CCL28: variants seen among roughly 807,000 people sequenced by gnomAD.
The protein encoded by CCL28 is C-C motif chemokine 28.
A neutral mutation model predicts 7.1 loss-of-function variants in CCL28; 4 were observed. The observed-to-expected ratio is 0.56, with a 90% confidence interval of 0.28 to 1.29. The LOEUF (loss-of-function observed/expected upper bound fraction) is 1.29. Among genes scored for constraint, CCL28 ranks in the 50% most tolerant of loss-of-function variants. CCL28 has a pLI of 0.11. For missense variants in CCL28, 151 were observed against 163.4 expected (o/e 0.92, Z 0.41); for synonymous variants, 55 against 57.8 (o/e 0.95, Z 0.22).
intron 1 of CCL28, among the ~76,000 whole-genome samples, chr5:43,410,990 T>C (rs1741515735): frequency 6.6e-6 from 1 of 152,204 alleles, no homozygotes; most frequent in Non-Finnish European, 1.5e-5. Context: ...ACGGACTATA[T>C]TGGGAGTCCC....
chr5:43,364,181 T>C, the CCL28 span, among the ~76,000 whole-genome samples: 1 of 149,242 alleles, frequency 6.7e-6, no homozygotes, highest in Non-Finnish European at 1.5e-5. Flanking sequence ...CAAAGCAGAC[T>C]ACAAACCTTA....
downstream of CCL28, among the ~76,000 whole-genome samples, chr5:43,376,373 A>T (rs1739888087): frequency 6.6e-6 from 1 of 152,200 alleles, no homozygotes; most frequent in African/African-American, 2.4e-5. Context: ...GAGGCCAGAG[A>T]TACTACTAAC....
chr5:43,369,613 G>A, the CCL28 span, among the ~76,000 whole-genome samples: 6 of 152,020 alleles, frequency 3.9e-5, no homozygotes, highest in Non-Finnish European at 7.4e-5. Flanking sequence ...TTCAGTAGAC[G>A]GGGTTTCACC....
chr5:43,387,171 G>T (rs1489749251), intron 2 of CCL28, among the ~76,000 whole-genome samples: 1 of 152,192 alleles, frequency 6.6e-6, no homozygotes, highest in Non-Finnish European at 1.5e-5. Flanking sequence ...TTTGGAGAGG[G>T]TATTTTATGG....
chr5:43,403,787 A>G (rs1233970399), intron 1 of CCL28, among the ~76,000 whole-genome samples: 1 of 152,224 alleles, frequency 6.6e-6, no homozygotes, highest in African/African-American at 2.4e-5. Context: ...ATGGCTAACT[A>G]TAATAACCAA....
chr5:43,408,106 G>A (rs1296692522), intron 1 of CCL28, among the ~76,000 whole-genome samples: 1 of 152,206 alleles, frequency 6.6e-6, no homozygotes, highest in Non-Finnish European at 1.5e-5. Flanking sequence ...TCTAGAACTA[G>A]AAATACTATT....
Position 43,382,179 on chromosome 5 carries a change from T to C in CCL28, c.192-127A>G, listed in dbSNP as rs1579721610. ...AGAGACTAAATTCAGACTAAATTTC[T>C]GAATTAAGTGTAGAAATGAAGTGAA... On this transcript the variant is annotated intron_variant, in intron 2 of 2. Coordinates refer to ENST00000361115, the MANE Select transcript of CCL28 (RefSeq NM_148672.3). 11 of 804,536 alleles carry C rather than the reference T, an allele frequency of 1.4e-5. No homozygotes were observed. The East Asian group carries it at 2.5e-4, about 18-fold the overall frequency. The allele number at this position is 804,536 out of a possible 1,614,324, so 49.8% of individuals were successfully genotyped here. A position where few individuals can be genotyped will look rare whatever the true frequency, so the allele number is the denominator to read the frequency against.
the CCL28 span, among the ~76,000 whole-genome samples, chr5:43,359,674 A>G: frequency 6.6e-6 from 1 of 152,200 alleles, no homozygotes; most frequent in Non-Finnish European, 1.5e-5. Flanking sequence ...TTGTTTTTCT[A>G]TAATACTTTA....
chr5:43,367,314 C>A, the CCL28 span, among the ~76,000 whole-genome samples: 1 of 152,218 alleles, frequency 6.6e-6, no homozygotes, highest in African/African-American at 2.4e-5. Flanking sequence ...TTGGTGTTTG[C>A]CCAAATGGCC....
chr5:43,382,026 C>G lies in CCL28; in HGVS notation c.218G>C (p.Cys73Ser), dbSNP rs770947837. The change falls in exon 3 of 3, where the codon TGT (cysteine) becomes TCT (serine). Residue 73 changes from cysteine (C) to serine (S), a missense_variant. Cys to Ser is a moderately radical substitution (Grantham distance 112). Transcript: ENST00000361115. Reference protein sequence around the residue: ...VILHVKRRRICVSPHNHTVKQ... With the variant: ...VILHVKRRRISVSPHNHTVKQ... ...AACAGTATGGTTGTGCGGGCTGACA[C>G]AGATTCTTCTGCGCTTGACATGAAG... The G allele has an allele frequency of 4.3e-6, 7 of 1,613,124 alleles. No homozygotes were observed. The African/African-American group carries it at 9.3e-5, about 22-fold the overall frequency.
chr5:43,408,495 G>C (rs1040949324), intron 1 of CCL28, among the ~76,000 whole-genome samples: 1 of 152,188 alleles, frequency 6.6e-6, no homozygotes, highest in Non-Finnish European at 1.5e-5. Context: ...GTCGTAAGGT[G>C]GGGGGAGCGG....
rs1465222826 is a variant in CCL28, at chr5:43,409,339, T to C, written c.64+2914A>G. Among the ~76,000 whole-genome samples, 3 of 152,018 alleles carry C rather than the reference T, an allele frequency of 2.0e-5. No individual in the cohort carries two copies. The East Asian group carries it at 5.8e-4, about 29-fold the overall frequency. On this transcript the variant is annotated intron_variant, in intron 1 of 2. Coordinates refer to ENST00000361115, the MANE Select transcript of CCL28 (RefSeq NM_148672.3). The stretch of plus-strand genomic sequence containing the variant: ...TACTCAGGAGGCTGAGGCAGGAGAA[T>C]TGCTTGAACCCAGGAGGCGGAGGTT...
chr5:43,369,676 G>A, the CCL28 span, among the ~76,000 whole-genome samples: 3 of 152,084 alleles, frequency 2.0e-5, no homozygotes, highest in Admixed American at 1.3e-4. Context: ...CACCCACCTT[G>A]GCTTCCCAAC....
chr5:43,367,909 A>G, the CCL28 span, among the ~76,000 whole-genome samples: 2 of 152,194 alleles, frequency 1.3e-5, no homozygotes, highest in African/African-American at 2.4e-5. Context: ...GGCATTTCTG[A>G]TATTTCCCAT....
the CCL28 span, among the ~76,000 whole-genome samples, chr5:43,368,167 CAG>C: frequency 6.6e-6 from 1 of 152,162 alleles, no homozygotes; most frequent in Non-Finnish European, 1.5e-5. Context: ...AAATGACTCT[CAG>C]GGTTATTGTG....
intron 1 of CCL28, among the ~76,000 whole-genome samples, chr5:43,395,232 TTTA>T (rs1386076917): frequency 4.0e-5 from 6 of 149,520 alleles, no homozygotes; most frequent in African/African-American, 7.3e-5. Flanking sequence ...TATTTATATA[TTTA>T]TTATTTTTCC....
At chr5:43,410,132 C>T (rs1457349184) in intron 1 of CCL28, among the ~76,000 whole-genome samples, 1 of 152,198 alleles carries the variant, frequency 6.6e-6, no homozygotes, top group Non-Finnish European at 1.5e-5. Flanking sequence ...TTCCTATTCC[C>T]CTTGCCAAGG....
chr5:43,364,517 C>T, the CCL28 span, among the ~76,000 whole-genome samples: 1 of 152,012 alleles, frequency 6.6e-6, no homozygotes, highest in South Asian at 2.1e-4. Flanking sequence ...TTAAAAATAT[C>T]AATTTGTACA....
At chr5:43,369,406 T>C in the CCL28 span, among the ~76,000 whole-genome samples, 1 of 152,150 alleles carries the variant, frequency 6.6e-6, no homozygotes, top group East Asian at 1.9e-4. Context: ...TATGTTATTT[T>C]ATTTTTTAAA....
Sources: allele counts gnomAD v4.1 joint callset (sites outside exome capture counted in the v4.1 genomes callset), GRCh38; gene constraint gnomAD v4.1.1; transcripts MANE v1.5; gene names NCBI Gene and HGNC (gene_info 2026-07-23, HGNC 2026-07-21).